Variants in AGAP4 observed in about 807,000 individuals in gnomAD.
The protein encoded by AGAP4 is ArfGAP with GTPase domain, ankyrin repeat and PH domain 4, also known as arf-GAP with GTPase, ANK repeat and PH domain-containing protein 4.
Under a neutral mutation model 60.7 loss-of-function variants are expected in AGAP4, and 13 were observed. The ratio of observed to expected loss-of-function variants is 0.21; its 90% confidence interval spans 0.14 to 0.34. The LOEUF is 0.34. Ranked by LOEUF, AGAP4 falls within the 10% of genes least tolerant of loss-of-function variation. The pLI, the probability that AGAP4 is intolerant of heterozygous loss-of-function variation, is 1.00. For missense variants in AGAP4, 169 were observed against 884.0 expected, an observed-to-expected ratio of 0.19 and a Z score of 10.26; for synonymous variants, 70 against 339.0, an observed-to-expected ratio of 0.21 and a Z score of 8.72.
At chr10:45,827,614 A>AAG (rs1303186165) in intron 7 of AGAP4, 2 of 30,486 alleles carry the variant, frequency 6.6e-5, no homozygotes, top group African/African-American at 2.4e-4. Context: ...TTACAAAAAA[A>AAG]AAAAAAGAAA....
At position 45,828,697 on chromosome 10, in the gene AGAP4, T is replaced by A. The variant is rs1335344400; in HGVS notation, c.534-617A>T. Among the ~76,000 whole-genome samples the A allele has an allele frequency of 1.5e-4, 18 of 122,294 alleles. 1 individual carries two copies. In the South Asian group the frequency reaches 2.4e-3, roughly 17 times the overall value. The allele number at this position is 122,294 out of a possible 152,430, so 80.2% of individuals were successfully genotyped here. ...AGGTCATAACTGTTCTTTTTTTTTTTTTTTTTTTTTTTTTTTGAGACCAAG... is the reference window on the plus strand; with the variant it reads ...AGGTCATAACTGTTCTTTTTTTTTTATTTTTTTTTTTTTTTTGAGACCAAG... On this transcript the variant is annotated intron_variant, in intron 6 of 7. Coordinates refer to ENST00000616763, the MANE Select transcript of AGAP4 (RefSeq NM_001276343.3).
At chr10:45,842,596 A>G (rs1554898812) in intron 3 of AGAP4, among the ~76,000 whole-genome samples, 1 of 149,020 alleles carries the variant, frequency 6.7e-6, no homozygotes, top group Admixed American at 6.6e-5. Context: ...TGGTGTCTGC[A>G]GCACAAAAAA....
chr10:45,836,184 A>C (rs2058814629), intron 4 of AGAP4, among the ~76,000 whole-genome samples: 1 of 150,098 alleles, frequency 6.7e-6, no homozygotes, highest in Admixed American at 6.6e-5. Context: ...TTTTCCTTGT[A>C]GACATCTTTC....
upstream of AGAP4, among the ~76,000 whole-genome samples, chr10:45,849,473 G>GATTATTATT (rs782154006): frequency 1.8e-3 from 255 of 144,996 alleles, 1 homozygote; most frequent in African/African-American, 5.2e-3. Context: ...TGATGATGAT[G>GATTATTATT]ATTATTATTA....
At chr10:45,847,992 T>A (rs1156972784), upstream of AGAP4, 1 of 1,012,466 alleles carries the variant, frequency 9.9e-7, no homozygotes, top group South Asian at 4.0e-5. Flanking sequence ...CTTGAAGCCA[T>A]CTTCCTCTAT....
At chr10:45,850,602 C>T (rs1194845898), upstream of AGAP4, among the ~76,000 whole-genome samples, 1 of 152,150 alleles carries the variant, frequency 6.6e-6, no homozygotes, top group African/African-American at 2.4e-5. Context: ...TCTCTAAAGG[C>T]AGAGTAATGC....
At chr10:45,840,033 C>T (rs2058891902) in intron 4 of AGAP4, among the ~76,000 whole-genome samples, 1 of 149,842 alleles carries the variant, frequency 6.7e-6, no homozygotes. Context: ...AAAAAAGTAA[C>T]AGAGAAAATA....
chr10:45,841,402 T>G, intron 4 of AGAP4: 1 of 398,878 alleles, frequency 2.5e-6, no homozygotes, highest in South Asian at 2.6e-5. Context: ...ATGCCCAGCC[T>G]TAAGGCAGAT....
At chr10:45,846,923 G>A (rs1184052565) in intron 1 of AGAP4, among the ~76,000 whole-genome samples, 168 bp from the exon 2 acceptor site, 5 of 151,232 alleles carry the variant, frequency 3.3e-5, no homozygotes, top group Non-Finnish European at 7.4e-5. Flanking sequence ...GAGGGGAGGC[G>A]AAAAGAAACT....
chr10:45,853,953 G>A (rs2059112080), upstream of AGAP4: 1 of 1,145,148 alleles, frequency 8.7e-7, no homozygotes, highest in Non-Finnish European at 1.1e-6. Context: ...GTTTATCTCT[G>A]GGGATGGGGG....
At chr10:45,830,634 T>C (rs2058717110) in intron 6 of AGAP4, among the ~76,000 whole-genome samples, 1 of 125,272 alleles carries the variant, frequency 8.0e-6, no homozygotes, top group Admixed American at 7.6e-5. Context: ...TACAGGTGCG[T>C]GCCATCATGC....
At chr10:45,847,955 C>T (rs1175720811), upstream of AGAP4, 12 of 1,039,246 alleles carry the variant, frequency 1.2e-5, no homozygotes, top group Admixed American at 3.0e-4. Flanking sequence ...GATTTTAGTC[C>T]TAAGAAAAGC....
At chr10:45,831,805 T>A (rs1352695411) in intron 5 of AGAP4, among the ~76,000 whole-genome samples, 1 of 129,042 alleles carries the variant, frequency 7.7e-6, no homozygotes, top group Non-Finnish European at 1.7e-5. Flanking sequence ...AGTGGTGCCA[T>A]CTTGACTCCT....
In AGAP4 at chr10:45,834,057, GTCA is replaced by G. The variant is rs2058772196; in HGVS notation, c.453_455del (p.Asp152del). 1 of 1,596,514 alleles carries G rather than the reference GTCA, an allele frequency of 6.3e-7. No individual in the cohort carries two copies. The highest frequency in any genetic ancestry group is 1.4e-5 in the African/African-American group (1 of 71,630). On this transcript the variant is annotated inframe_deletion, in exon 5 of 8. Transcript: ENST00000616763. The stretch of plus-strand genomic sequence containing the variant: ...TAAGATAATGCTGGATGGCTGTGCT[GTCA>G]TCAAGGAATATTGTCGAACACAAGC...
intron 6 of AGAP4, among the ~76,000 whole-genome samples, chr10:45,828,635 T>C (rs1215639005): frequency 6.9e-6 from 1 of 145,152 alleles, no homozygotes; most frequent in Non-Finnish European, 1.5e-5. Flanking sequence ...TCTGTGGACC[T>C]CTCGGGATCC....
chr10:45,848,856 G>C (rs1333781454), upstream of AGAP4: 4 of 151,084 alleles, frequency 2.6e-5, no homozygotes, highest in Non-Finnish European at 5.9e-5. Context: ...CATGGCAGAA[G>C]GGCAGGTCCG....
upstream of AGAP4, among the ~76,000 whole-genome samples, chr10:45,849,806 A>C (rs1490025330): frequency 1.3e-5 from 2 of 150,792 alleles, no homozygotes; most frequent in Admixed American, 6.6e-5. Context: ...ATGCCCAGCT[A>C]ATTTTGTATT....
chr10:45,852,217 T>TAAAAAAAAAAAAAAAA (rs781889843), upstream of AGAP4, among the ~76,000 whole-genome samples: 30 of 91,710 alleles, frequency 3.3e-4, 2 homozygotes, highest in African/African-American at 1.6e-3. Flanking sequence ...GGCCAGACTT[T>TAAAAAAAAAAAAAAAA]AAAAAAAAAA....
chr10:45,830,717 C>A (rs2135927471), intron 6 of AGAP4, among the ~76,000 whole-genome samples: 1 of 130,282 alleles, frequency 7.7e-6, no homozygotes, highest in Middle Eastern at 4.0e-3. Flanking sequence ...GATCTCCTGA[C>A]CTTGTGATCC....
Sources: allele counts gnomAD v4.1 joint callset (sites outside exome capture counted in the v4.1 genomes callset), GRCh38; gene constraint gnomAD v4.1.1; transcripts MANE v1.5; gene names NCBI Gene and HGNC (gene_info 2026-07-23, HGNC 2026-07-21).